The following PKD1 variants were observed in gnomAD, a reference collection of about 807,000 sequenced individuals.
PKD1 encodes polycystin-1.
A neutral mutation model predicts 361.7 loss-of-function variants in PKD1; 81 were observed. The observed-to-expected ratio is 0.22, with a 90% CI of 0.19 to 0.27. The LOEUF (loss-of-function observed/expected upper bound fraction) is 0.27. Among genes scored for constraint, PKD1 ranks in the 10% least tolerant of loss-of-function variants. PKD1 has a pLI of 1.00. For synonymous variants in PKD1, 3,615 were observed against 2,818.3 expected (o/e 1.28, Z -8.95); for missense variants, 6,399 against 6,118.3 (o/e 1.05, Z -1.53).
At chr16:2,105,801 G>A (rs1255841035) in intron 20 of PKD1, 64 bp downstream of exon 20, 27 of 1,512,994 alleles carry the variant, frequency 1.8e-5, no homozygotes, top group Middle Eastern at 2.3e-4. Context: ...CCAGGCAGGG[G>A]TACAGGTCTT....
At position 2,091,031 on chromosome 16, in the gene PKD1, G is replaced by C. The variant is rs1467324252; in HGVS notation, c.11856C>G (p.Arg3952=). ...VALTAATALV[R]LAQLGAADRQ... ...GGTCAGCGGCACCCAGCTGGGCGAG[G>C]CGTACCAGTGCCGTGGCCGCCGTCA... The change falls in exon 43 of 46, where the codon CGC becomes CGG. Residue 3952 remains arginine (R), a synonymous_variant. Transcript: ENST00000262304. 28 of 1,530,442 alleles carry C rather than the reference G, an allele frequency of 1.8e-5. No homozygotes were observed. Among genetic ancestry groups the C allele is most frequent in the Non-Finnish European group, 2.3e-5 (26 of 1,143,956 alleles). The allele number at this position is 1,530,442 out of a possible 1,614,324, so 94.8% of individuals were successfully genotyped here.
chr16:2,113,641 G>A (rs184047536), intron 11 of PKD1: 39 of 420,200 alleles, frequency 9.3e-5, no homozygotes, highest in African/African-American at 6.8e-4. Flanking sequence ...TCGGAGCAGT[G>A]AGGGGAGGCA....
intron 8 of PKD1, among the ~76,000 whole-genome samples, 163 bp downstream of exon 8, chr16:2,116,365 TA>T (rs1388575706): frequency 6.6e-6 from 1 of 152,120 alleles, no homozygotes; most frequent in African/African-American, 2.4e-5. Flanking sequence ...GTAATGTGAG[TA>T]AACGCTTTCC....
rs1234763049 is a variant in PKD1 at position 2,100,808 on chromosome 16, G to A, written c.9398-242C>T. The stretch of plus-strand genomic sequence containing the variant: ...ACTGTAACTTGTGACATGCAAACAT[G>A]GCTGCACACGCCTCAGTCCACACCA... On this transcript the variant is annotated intron_variant, in intron 26 of 45. Coordinates refer to ENST00000262304, the MANE Select transcript of PKD1 (RefSeq NM_001009944.3). The surrounding 1 kb of genome is among the most constrained non-coding windows in gnomAD (Gnocchi z 4.4). The A allele has an allele frequency of 1.8e-6, 1 of 558,026 alleles. No individual in the cohort carries two copies. The highest frequency in any genetic ancestry group is 3.2e-6 in the Non-Finnish European group (1 of 308,868). The allele number at this position is 558,026 out of a possible 1,614,324, so 34.6% of individuals were successfully genotyped here.
In PKD1 at chr16:2,105,321, C is replaced by T; in HGVS notation, c.8016+1G>A. On this transcript the variant is annotated splice_donor_variant, in intron 21 of 45. Transcript: ENST00000262304. LOFTEE classifies it high-confidence loss of function. ...AGGGTGAGCAGGTGGGGCCATCCTA[C>T]CATGCACTGGGCCAGCGCAGCAGCG... 6.3e-7 allele frequency: 1 copy of T among 1,594,346 alleles called. No individual in the cohort carries two copies. Among genetic ancestry groups the T allele is most frequent in the Non-Finnish European group, 8.5e-7 (1 of 1,178,538 alleles).
chr16:2,100,582 G>C lies in PKD1; in HGVS notation c.9398-16C>G, dbSNP rs769989346. ...GCCGTGGTACCTGGGAGGCAAGAGG[G>C]AGGGGTGGGAGGCTCGGTCTGCTGC... On this transcript the variant is annotated splice_polypyrimidine_tract_variant and intron_variant, in intron 26 of 45. Transcript: ENST00000262304. The surrounding 1 kb of genome is among the most constrained non-coding windows in gnomAD (Gnocchi z 4.4). The C allele has an allele frequency of 1.0e-5, 16 of 1,605,936 alleles. No homozygotes were observed. In the Admixed American group the frequency reaches 2.5e-4, roughly 25 times the overall value.
intron 1 of PKD1, chr16:2,131,948 T>C (rs542132665): frequency 6.6e-6 from 1 of 151,988 alleles, no homozygotes; most frequent in Admixed American, 6.6e-5. Context: ...TGACCAGCCT[T>C]AAAGACACAC....
rs766703128 is a variant in PKD1 at position 2,111,176 on chromosome 16, C to T, written c.3991G>A (p.Gly1331Arg). 14 of 1,611,284 alleles carry T rather than the reference C, an allele frequency of 8.7e-6. No individual in the cohort carries two copies. Among genetic ancestry groups the T allele is most frequent in the Admixed American group, 3.3e-5 (2 of 59,978 alleles). Residue 1331 changes from glycine to arginine, a missense_variant, in exon 15 of 46, where the codon GGG (glycine) becomes AGG (arginine). Physicochemically the swap from Gly to Arg is moderately radical, Grantham distance 125. Coordinates refer to ENST00000262304, the MANE Select transcript of PKD1 (RefSeq NM_001009944.3). ...ACGGTCGTGTTGGAGGAGCCATCCCCGAAGGTCCAGTCGAAGAGGTAGTGG... is the reference window on the plus strand; with the variant it reads ...ACGGTCGTGTTGGAGGAGCCATCCCTGAAGGTCCAGTCGAAGAGGTAGTGG... ...PAHYLFDWTF[G>R]DGSSNTTVRG...
In PKD1 at chr16:2,105,927, G is replaced by C; in HGVS notation, c.7801C>G (p.Arg2601Gly). 6.3e-7 allele frequency: 1 copy of C among 1,597,498 alleles called. No homozygotes were observed. Among genetic ancestry groups the C allele is most frequent in the African/African-American group, 1.3e-5 (1 of 74,976 alleles). Residue 2601 changes from arginine to glycine, a missense_variant, in exon 20 of 46, where the codon CGG becomes GGG. Coordinates refer to ENST00000262304, the MANE Select transcript of PKD1 (RefSeq NM_001009944.3). Reference protein sequence around the residue: ...LTASVLPGLLRQADPQHVIEY... With the variant: ...LTASVLPGLLGQADPQHVIEY... Reference sequence around the variant, plus strand: ...ATGACGTGCTGGGGATCGGCCTGCCGCAGCAGCCCTGGGAGCACACTAGCG... The same window carrying C: ...ATGACGTGCTGGGGATCGGCCTGCCCCAGCAGCCCTGGGAGCACACTAGCG...
rs772716160 is a variant in PKD1 at position 2,109,522 on chromosome 16, G to C, written c.5645C>G (p.Thr1882Arg). ...CAGGCCCACGATGGGCTCCTCCGCC[G>C]TGAGGTTGTACGTGGCTGAGACCCA... ...VSWVSATYNL[T>R]AEEPIVGLVL... The change falls in exon 15 of 46, where the codon ACG (threonine) becomes AGG (arginine). Residue 1882 changes from threonine (T) to arginine (R), a missense_variant. Thr to Arg is a moderately conservative substitution (Grantham distance 71, BLOSUM62 -1). Coordinates refer to ENST00000262304, the MANE Select transcript of PKD1 (RefSeq NM_001009944.3). The C allele has an allele frequency of 6.2e-7, 1 of 1,610,532 alleles. No homozygotes were observed. Among genetic ancestry groups the C allele is most frequent in the African/African-American group, 1.3e-5 (1 of 74,892 alleles).
Position 2,118,229 on chromosome 16 carries a change from G to A in PKD1, c.763C>T (p.Pro255Ser). 2.0e-6 allele frequency: 3 copies of A among 1,531,364 alleles called. No individual in the cohort carries two copies. The highest frequency in any genetic ancestry group is 1.8e-6 in the Non-Finnish European group (2 of 1,141,462). 94.9% of individuals were successfully genotyped at this position (1,531,364 alleles called of 1,614,324 possible). Residue 255 changes from proline (P) to serine (S), a missense_variant, in exon 5 of 46, where the codon CCT (proline) becomes TCT (serine). By Grantham distance (74) the Pro-to-Ser change is moderately conservative. Coordinates refer to ENST00000262304, the MANE Select transcript of PKD1 (RefSeq NM_001009944.3). This position sits in a 1 kb window ranked among gnomAD's most constrained non-coding sequence, Gnocchi z 6.0. The stretch of plus-strand genomic sequence containing the variant: ...GTGGGGCCCCTACAGGTGGGGGCAG[G>A]AGGTGGCGGGGGGCCGGAGCAGAGG... ...LSLCSGPPPP[P>S]APTCRGPTLL... is the part of the protein sequence containing the mutation.
chr16:2,092,645 G>A lies in PKD1; in HGVS notation c.11157-53C>T, dbSNP rs746994303. ...GCCCCTACTGCCCCATGCCCGCCTC[G>A]AGTGAGCGGCCACCAGAGACCCAGG... On this transcript the variant is annotated intron_variant, in intron 38 of 45. Transcript: ENST00000262304. 53 of 1,278,380 alleles carry A rather than the reference G, an allele frequency of 4.1e-5. No homozygotes were observed. The South Asian group carries it at 5.1e-4, about 12-fold the overall frequency. The allele number at this position is 1,278,380 out of a possible 1,614,324, so 79.2% of individuals were successfully genotyped here.
At chr16:2,131,147 CA>C (rs2092872898) in intron 1 of PKD1, among the ~76,000 whole-genome samples, 1 of 152,200 alleles carries the variant, frequency 6.6e-6, no homozygotes, top group African/African-American at 2.4e-5. Flanking sequence ...GCGAGAAATC[CA>C]GGCTGCAGGA....
Position 2,106,075 on chromosome 16 carries a change from C to T in PKD1, c.7703+16G>A, listed in dbSNP as rs781317258. On this transcript the variant is annotated intron_variant, in intron 19 of 45. Coordinates refer to ENST00000262304, the MANE Select transcript of PKD1 (RefSeq NM_001009944.3). The surrounding 1 kb of genome is among the most constrained non-coding windows in gnomAD (Gnocchi z 6.5). The stretch of plus-strand genomic sequence containing the variant: ...AGGTGGCAGTCTCGGGGGCGCCCTC[C>T]CACGGCCTGGCTCACCTGTTGAGGG... 1.2e-6 allele frequency: 2 copies of T among 1,604,630 alleles called. No individual in the cohort carries two copies. Among genetic ancestry groups the T allele is most frequent in the South Asian group, 1.1e-5 (1 of 90,738 alleles).
chr16:2,101,856 A>G (rs2092110752), intron 26 of PKD1: 1 of 618,334 alleles, frequency 1.6e-6, no homozygotes, highest in South Asian at 1.9e-5. Context: ...ACTGACTGGC[A>G]CCTACTTCCA....
chr16:2,093,049 G>A lies in PKD1; in HGVS notation c.11061C>T (p.Ala3687=). The A allele has an allele frequency of 6.2e-7, 1 of 1,612,858 alleles. No homozygotes were observed. The highest frequency in any genetic ancestry group is 8.5e-7 in the Non-Finnish European group (1 of 1,179,950). ...YMLFLLVTLL[A]SYGDASCHGH... is the part of the protein sequence containing the mutation. ...CATGGCATGAGGCATCCCCATAGCT[G>A]GCCAGCAGGGTCACCAGCAGAAAAA... The change falls in exon 38 of 46, where the codon GCC becomes GCT. Residue 3687 remains alanine (A), a synonymous_variant. Coordinates refer to ENST00000262304, the MANE Select transcript of PKD1 (RefSeq NM_001009944.3).
chr16:2,105,749 G>A lies in PKD1; in HGVS notation c.7863+116C>T, dbSNP rs1199098044. The A allele has an allele frequency of 5.4e-5, 73 of 1,340,060 alleles. 3 individuals carry two copies. In the South Asian group the frequency reaches 7.3e-4, roughly 13 times the overall value. The allele number at this position is 1,340,060 out of a possible 1,614,324, so 83.0% of individuals were successfully genotyped here. Reference sequence around the variant, plus strand: ...GTCGGGGTGCTGCTTCAGGGTCACTGGGATTTATCTCTGGGGCCCGGGATG... The same window carrying A: ...GTCGGGGTGCTGCTTCAGGGTCACTAGGATTTATCTCTGGGGCCCGGGATG... On this transcript the variant is annotated intron_variant, in intron 20 of 45. Coordinates refer to ENST00000262304, the MANE Select transcript of PKD1 (RefSeq NM_001009944.3).
rs747805202 is a variant in PKD1 at position 2,090,771 on chromosome 16, A to G, written c.12041T>C (p.Val4014Ala). The change falls in exon 44 of 46, where the codon GTC (valine) becomes GCC (alanine). Residue 4014 changes from valine (V) to alanine (A), a missense_variant. Coordinates refer to ENST00000262304, the MANE Select transcript of PKD1 (RefSeq NM_001009944.3). The part of the protein sequence containing the change: ...QQLRFVRQWS[V>A]FGKTLCRALP... ...AGCTCGGCATAATGTCTTGCCAAAG[A>G]CGGACCACTGGCGCACGAAGCGTAG... 1 of 1,612,576 alleles carries G rather than the reference A, an allele frequency of 6.2e-7. No individual in the cohort carries two copies. The highest frequency in any genetic ancestry group is 8.5e-7 in the Non-Finnish European group (1 of 1,179,944).
chr16:2,089,949 G>C lies in PKD1; in HGVS notation c.12690C>G (p.Asn4230Lys). ...EALLTQFDRL[N>K]QATEDVYQLE... ...GCTGGTAGACGTCCTCTGTGGCCTG[G>C]TTGAGTCGGTCAAACTGGGTGAGCA... Residue 4230 changes from asparagine (N) to lysine (K), a missense_variant, in exon 46 of 46, where the codon AAC (asparagine) becomes AAG (lysine). Transcript: ENST00000262304. 1 of 1,612,314 alleles carries C rather than the reference G, an allele frequency of 6.2e-7. No homozygotes were observed. Among genetic ancestry groups the C allele is most frequent in the Non-Finnish European group, 8.5e-7 (1 of 1,179,760 alleles).
Sources: allele counts gnomAD v4.1 joint callset (sites outside exome capture counted in the v4.1 genomes callset), GRCh38; gene constraint gnomAD v4.1.1; non-coding constraint Gnocchi (gnomAD v3.1); transcripts MANE v1.5; gene names NCBI Gene and HGNC (gene_info 2026-07-23, HGNC 2026-07-21).